MEMO1: variants seen among roughly 807,000 people sequenced by gnomAD.
MEMO1 encodes mediator of cell motility 1, also known as protein MEMO1.
MEMO1 carries 6 observed loss-of-function variants against 45.2 expected under a neutral mutation model. The observed-to-expected ratio is 0.13, with a 90% CI of 0.07 to 0.26. The LOEUF is 0.26. Ranked by LOEUF, MEMO1 falls within the 10% of genes least tolerant of loss-of-function variation. The probability of loss-of-function intolerance (pLI) is 1.00; values close to 1 mark genes in which losing one functional copy is unlikely to be tolerated. For missense variants in MEMO1, 184 were observed against 370.5 expected (o/e 0.50, Z 4.13); for synonymous variants, 78 against 124.3 (o/e 0.63, Z 2.48).
chr2:31,923,955 G>A (rs193052058), intron 4 of MEMO1, among the ~76,000 whole-genome samples: 123 of 152,064 alleles, frequency 8.1e-4, no homozygotes, highest in Non-Finnish European at 1.0e-3. Context: ...CTAGATGAAG[G>A]AAAAAGAGCC....
rs190171734 is a variant in MEMO1, at chr2:31,958,074, G to A, written c.62-14691C>T. ...TGAGTGATGGGAAATGGGCATGCCA[G>A]GTTTCAGATGTGCAGGGGAATAAAA... is the stretch of plus-strand genomic sequence containing the variant. On this transcript the variant is annotated intron_variant, in intron 2 of 9. Transcript: ENST00000404530. Among the ~76,000 whole-genome samples the A allele has an allele frequency of 2.0e-5, 3 of 152,236 alleles. No homozygotes were observed. The East Asian group carries it at 5.8e-4, about 30-fold the overall frequency.
At chr2:31,932,584 G>A (rs530811485) in intron 3 of MEMO1, among the ~76,000 whole-genome samples, 5 of 152,038 alleles carry the variant, frequency 3.3e-5, no homozygotes, top group African/African-American at 9.7e-5. Flanking sequence ...GACCATAGGC[G>A]CATGCCACCA....
intron 2 of MEMO1, among the ~76,000 whole-genome samples, chr2:31,955,503 C>A (rs577255109): frequency 1.3e-5 from 2 of 152,278 alleles, no homozygotes; most frequent in African/African-American, 2.4e-5. Context: ...GACTCTTAGA[C>A]CCTAGGTGAT....
At chr2:31,946,023 G>A (rs372186859) in intron 2 of MEMO1, among the ~76,000 whole-genome samples, 2 of 152,168 alleles carry the variant, frequency 1.3e-5, no homozygotes, top group African/African-American at 4.8e-5. Flanking sequence ...TGTGATACAC[G>A]TGTCATTCTG....
At chr2:31,884,666 G>C (rs1287202453) in intron 7 of MEMO1, among the ~76,000 whole-genome samples, 1 of 152,132 alleles carries the variant, frequency 6.6e-6, no homozygotes, top group East Asian at 1.9e-4. Context: ...TGTTGATACT[G>C]ATCACCTTTG....
At chr2:31,878,055 TG>T (rs1302153755) in intron 8 of MEMO1, among the ~76,000 whole-genome samples, 4 of 152,146 alleles carry the variant, frequency 2.6e-5, no homozygotes. Context: ...TACGGTGGAC[TG>T]GGAATGCTGC....
chr2:31,995,749 A>G (rs2148568932), intron 2 of MEMO1, among the ~76,000 whole-genome samples: 1 of 152,232 alleles, frequency 6.6e-6, no homozygotes, highest in East Asian at 1.9e-4. Flanking sequence ...AAAATTTCCA[A>G]ATTTTCTGAA....
chr2:31,897,667 C>G (rs1393205367), intron 6 of MEMO1, among the ~76,000 whole-genome samples: 1 of 152,014 alleles, frequency 6.6e-6, no homozygotes, highest in Non-Finnish European at 1.5e-5. Context: ...GGGATATTGG[C>G]CTGAAATTTT....
intron 2 of MEMO1, among the ~76,000 whole-genome samples, chr2:32,000,421 G>A (rs1210650239): frequency 1.3e-5 from 2 of 151,828 alleles, no homozygotes; most frequent in Admixed American, 6.6e-5. Context: ...TAGTAGAGAC[G>A]GGGTTTCACC....
chr2:31,962,330 C>T lies in MEMO1; in HGVS notation c.62-18947G>A, dbSNP rs187814766. Among the ~76,000 whole-genome samples the T allele has an allele frequency of 1.7e-3, 264 of 152,154 alleles. 1 individual carries two copies. The highest frequency in any genetic ancestry group is 6.0e-3 in the African/African-American group (248 of 41,512). On this transcript the variant is annotated intron_variant, in intron 2 of 9. Coordinates refer to ENST00000404530, the MANE Select transcript of MEMO1 (RefSeq NM_001301833.4). ...CCTGAGCCTGGGGAAGTCGAGGCTG[C>T]AGTGAGCCAAGATCATGCCACTGCA...
At chr2:31,978,347 C>T (rs900252930) in intron 2 of MEMO1, among the ~76,000 whole-genome samples, 2 of 152,058 alleles carry the variant, frequency 1.3e-5, no homozygotes, top group Non-Finnish European at 1.5e-5. Flanking sequence ...GAGATCAGGT[C>T]ATTGCACTCC....
At chr2:31,923,057 T>C (rs551225783) in intron 4 of MEMO1, among the ~76,000 whole-genome samples, 1 of 152,248 alleles carries the variant, frequency 6.6e-6, no homozygotes, top group South Asian at 2.1e-4. Flanking sequence ...CACACTGTTT[T>C]CCACAATGAT....
intron 2 of MEMO1, among the ~76,000 whole-genome samples, chr2:31,997,342 A>T (rs1186809142): frequency 6.6e-6 from 1 of 152,192 alleles, no homozygotes; most frequent in African/African-American, 2.4e-5. Flanking sequence ...CAGAGAATAT[A>T]CGCACTATAT....
chr2:31,996,822 C>T (rs1470670465), intron 2 of MEMO1, among the ~76,000 whole-genome samples: 4 of 152,084 alleles, frequency 2.6e-5, no homozygotes, highest in Admixed American at 6.6e-5. Flanking sequence ...CCTCGAACTC[C>T]TGGGCTCAAG....
intron 2 of MEMO1, among the ~76,000 whole-genome samples, chr2:31,994,927 G>A (rs1225983594): frequency 1.3e-5 from 2 of 151,466 alleles, no homozygotes; most frequent in Non-Finnish European, 2.9e-5. Context: ...GTGCCTTGCG[G>A]TGGGGGTGGA....
chr2:31,990,541 TACCA>T, intron 2 of MEMO1, among the ~76,000 whole-genome samples: 1 of 151,604 alleles, frequency 6.6e-6, no homozygotes. Context: ...AAACTCTGCC[TACCA>T]GGCTCAAGCC....
intron 6 of MEMO1, among the ~76,000 whole-genome samples, chr2:31,897,678 C>CT (rs1323336509): frequency 6.6e-6 from 1 of 152,042 alleles, no homozygotes; most frequent in Non-Finnish European, 1.5e-5. Context: ...CTGAAATTTT[C>CT]TTTTTTTGTT....
chr2:31,895,099 G>A (rs1183125905), intron 6 of MEMO1, among the ~76,000 whole-genome samples: 2 of 152,180 alleles, frequency 1.3e-5, no homozygotes, highest in East Asian at 3.8e-4. Context: ...TTCTGCAGTT[G>A]AAGTTCATGA....
At chr2:31,938,218 T>C (rs1665157530) in intron 3 of MEMO1, among the ~76,000 whole-genome samples, 2 of 152,140 alleles carry the variant, frequency 1.3e-5, no homozygotes, top group African/African-American at 4.8e-5. Context: ...TATATCAATA[T>C]AAAAATGAAC....
Sources: gnomAD v4.1 joint callset for allele counts (sites outside exome capture counted in the v4.1 genomes callset) on GRCh38, gnomAD v4.1.1 for gene constraint, MANE v1.5 for transcripts, NCBI Gene and HGNC (gene_info 2026-07-23, HGNC 2026-07-21) for gene names.